The following AKNAD1 variants were observed in gnomAD, a reference collection of about 807,000 sequenced individuals.
The protein encoded by AKNAD1 is protein AKNAD1.
A neutral mutation model predicts 90.8 loss-of-function variants in AKNAD1; 67 were observed. That is an observed-to-expected ratio of 0.74 (90% CI 0.61 to 0.90). The LOEUF (loss-of-function observed/expected upper bound fraction) is 0.90, where lower values mean the gene tolerates loss of function less well. AKNAD1 is among the 40% of genes least tolerant of loss of function. The probability of loss-of-function intolerance (pLI) is 0.00; values close to 1 mark genes in which losing one functional copy is unlikely to be tolerated. For synonymous variants in AKNAD1, 327 were observed against 341.4 expected (o/e 0.96, Z 0.46); for missense variants, 957 against 975.4 (o/e 0.98, Z 0.25).
intron 10 of AKNAD1, among the ~76,000 whole-genome samples, chr1:108,827,550 C>T (rs1374651249): frequency 6.6e-6 from 1 of 151,488 alleles, no homozygotes; most frequent in East Asian, 2.0e-4. Context: ...CGCGGTGGCT[C>T]ACGCCTGTAA....
chr1:108,840,613 T>C (rs1254709638), intron 6 of AKNAD1, among the ~76,000 whole-genome samples: 1 of 152,152 alleles, frequency 6.6e-6, no homozygotes, highest in Non-Finnish European at 1.5e-5. Flanking sequence ...CACTAACCTA[T>C]AATAGTTTAT....
At chr1:108,835,077 G>T (rs756508526) in intron 7 of AKNAD1, 21 bp from the exon 8 acceptor site, 5 of 1,567,820 alleles carry the variant, frequency 3.2e-6, no homozygotes, top group South Asian at 1.2e-5. Flanking sequence ...CACACAGAAA[G>T]ACTTGAATTA....
chr1:108,849,339 T>G (rs1277201), intron 3 of AKNAD1, among the ~76,000 whole-genome samples, 198 bp downstream of exon 3: 130,111 of 151,694 alleles, frequency 0.86, 55,886 homozygotes, highest in Middle Eastern at 0.9. Context: ...ATTATCTAGG[T>G]GTGGTGGCAT....
chr1:108,827,090 C>G (rs897478247), intron 11 of AKNAD1, 115 bp downstream of exon 11: 7 of 736,292 alleles, frequency 9.5e-6, no homozygotes, highest in South Asian at 6.6e-5. Context: ...ATGCAACATC[C>G]TAGTGTAGGG....
chr1:108,830,450 C>G, intron 10 of AKNAD1, 109 bp downstream of exon 10: 2 of 1,015,600 alleles, frequency 2.0e-6, no homozygotes, highest in Non-Finnish European at 3.0e-6. Flanking sequence ...ATCTGTGACT[C>G]TATAACTCAG....
At chr1:108,855,883 T>TTA (rs35512467) in intron 1 of AKNAD1, among the ~76,000 whole-genome samples, 15,023 of 149,652 alleles carry the variant, frequency 0.1, 851 homozygotes, top group African/African-American at 0.12. Context: ...AGTATCTTTT[T>TTA]TTTTTTTTTT....
rs559670194 is a variant in AKNAD1 at position 108,832,662 on chromosome 1, T to C, written c.1746+1785A>G. 5.3e-5 allele frequency among the ~76,000 whole-genome samples: 8 copies of C among 152,306 alleles called. No individual in the cohort carries two copies. In the East Asian group the frequency reaches 9.6e-4, roughly 18 times the overall value. On this transcript the variant is annotated intron_variant, in intron 9 of 15. Transcript: ENST00000370001. ...GTCTATCTACATTTTTTTTAATTGA[T>C]GGTGGTTTCAGTTTTGTAAACAACT...
chr1:108,820,600 A>G lies in AKNAD1; in HGVS notation c.2194T>C (p.Ser732Pro), dbSNP rs778505209. 3.7e-6 allele frequency: 6 copies of G among 1,611,510 alleles called. No homozygotes were observed. In the South Asian group the frequency reaches 6.6e-5, roughly 18 times the overall value. The change falls in exon 14 of 16, where the codon TCT becomes CCT. Residue 732 changes from serine to proline, a missense_variant. Ser to Pro is a moderately conservative substitution (Grantham distance 74). Coordinates refer to ENST00000370001, the MANE Select transcript of AKNAD1 (RefSeq NM_152763.5). ...AAGGATTTTGAATTCACTCTCTGAG[A>G]ACAGATCCGTTTGGGTTTTAAAAAA... ...PSFLKPKRIC[S>P]QRVNSKSFKG...
chr1:108,846,619 C>T (rs561241813), intron 5 of AKNAD1, among the ~76,000 whole-genome samples: 17 of 152,222 alleles, frequency 1.1e-4, no homozygotes, highest in South Asian at 4.2e-4. Flanking sequence ...TCTCCGCCTC[C>T]GCTCCTCCCC....
rs201303409 is a variant in AKNAD1 at position 108,817,097 on chromosome 1, C to A, written c.2330G>T (p.Gly777Val). The A allele has an allele frequency of 2.2e-4, 361 of 1,614,070 alleles. 1 individual carries two copies. The Admixed American group carries it at 6.0e-3, about 27-fold the overall frequency. Reference sequence around the variant, plus strand: ...ATCAAAGTCACATAAGGATTTGCTTCCAGAAATCCTGCAGGAGTAGAAATG... The same window carrying A: ...ATCAAAGTCACATAAGGATTTGCTTACAGAAATCCTGCAGGAGTAGAAATG... The part of the protein sequence containing the change: ...SPHFYSCRIS[G>V]SKSLCDFDST... Residue 777 changes from glycine (G) to valine (V), a missense_variant, in exon 15 of 16, where the codon GGA becomes GTA. Transcript: ENST00000370001.
chr1:108,837,679 C>T lies in AKNAD1; in HGVS notation c.1407G>A (p.Leu469=), dbSNP rs759393026. Reference sequence around the variant, plus strand: ...CTTTAACATCTTCAAGCAGCATCTCCAATTTGAAGATTTCACCTTCCACTT... The same window carrying T: ...CTTTAACATCTTCAAGCAGCATCTCTAATTTGAAGATTTCACCTTCCACTT... ...ERKVEGEIFK[L]EMLLEDVKEK... Residue 469 remains leucine (L), a synonymous_variant, in exon 7 of 16, where the codon TTG becomes TTA. Transcript: ENST00000370001. The T allele has an allele frequency of 6.2e-7, 1 of 1,614,160 alleles. No individual in the cohort carries two copies. The highest frequency in any genetic ancestry group is 8.5e-7 in the Non-Finnish European group (1 of 1,180,006).
chr1:108,849,462 G>A (rs1442501227), intron 3 of AKNAD1, 75 bp downstream of exon 3: 5 of 943,784 alleles, frequency 5.3e-6, no homozygotes, highest in African/African-American at 3.3e-5. Context: ...CTGGGTGACA[G>A]AGTGAGACCC....
At chr1:108,836,042 T>A (rs578088431) in intron 7 of AKNAD1, among the ~76,000 whole-genome samples, 1 of 152,226 alleles carries the variant, frequency 6.6e-6, no homozygotes, top group Non-Finnish European at 1.5e-5. Context: ...TAGCAATACA[T>A]ACTGCTGAGT....
chr1:108,826,222 G>T (rs1392007417), intron 11 of AKNAD1, among the ~76,000 whole-genome samples: 1 of 151,770 alleles, frequency 6.6e-6, no homozygotes, highest in Non-Finnish European at 1.5e-5. Flanking sequence ...GGCAGAGCTG[G>T]AGGCATGGCT....
At chr1:108,831,890 C>G (rs1664211353) in intron 9 of AKNAD1, among the ~76,000 whole-genome samples, 2 of 152,050 alleles carry the variant, frequency 1.3e-5, no homozygotes, top group South Asian at 4.2e-4. Context: ...TCCCAAAGTA[C>G]TGGGATTACT....
chr1:108,851,368 G>T (rs1664857340), intron 2 of AKNAD1, among the ~76,000 whole-genome samples: 1 of 152,190 alleles, frequency 6.6e-6, no homozygotes, highest in Admixed American at 6.5e-5. Context: ...AAGAGGTTCT[G>T]GACCAGCCAG....
At chr1:108,851,584 C>A (rs184294428) in intron 2 of AKNAD1, 88 bp downstream of exon 2, 242 of 1,329,812 alleles carry the variant, frequency 1.8e-4, no homozygotes, top group Admixed American at 1.7e-3. Flanking sequence ...GAACTAGAAC[C>A]AAGCTCTATT....
Position 108,820,559 on chromosome 1 carries a change from C to T in AKNAD1, c.2235G>A (p.Glu745=). 6.2e-7 allele frequency: 1 copy of T among 1,605,568 alleles called. No homozygotes were observed. The highest frequency in any genetic ancestry group is 8.5e-7 in the Non-Finnish European group (1 of 1,173,048). ...VNSKSFKGEH[E]PTPGKKKLQA... ...ATAATACTTACTTTCCTGGTGTGGG[C>T]TCATGTTCACCTTTAAAGGATTTTG... is the stretch of plus-strand genomic sequence containing the variant. Residue 745 remains glutamate, a synonymous_variant, in exon 14 of 16, where the codon GAG becomes GAA. Coordinates refer to ENST00000370001, the MANE Select transcript of AKNAD1 (RefSeq NM_152763.5).
At position 108,837,766 on chromosome 1, in the gene AKNAD1, A is replaced by C. The variant is rs773979638; in HGVS notation, c.1380-60T>G. 2.3e-4 allele frequency: 358 copies of C among 1,552,818 alleles called. 1 individual carries two copies. Among genetic ancestry groups the C allele is most frequent in the Non-Finnish European group, 3.0e-4 (341 of 1,131,142 alleles). ...CTATGTGGTTGGCATTCTAATTAAT[A>C]ATGACAGTTCTTGAATACAGCATTG... On this transcript the variant is annotated intron_variant, in intron 6 of 15. Coordinates refer to ENST00000370001, the MANE Select transcript of AKNAD1 (RefSeq NM_152763.5).
Sources: allele counts gnomAD v4.1 joint callset (sites outside exome capture counted in the v4.1 genomes callset), GRCh38; gene constraint gnomAD v4.1.1; transcripts MANE v1.5; gene names NCBI Gene and HGNC (gene_info 2026-07-23, HGNC 2026-07-21).